Variants in ECT2 observed in about 807,000 individuals in gnomAD.
The protein encoded by ECT2 is epithelial cell transforming 2, also known as protein ECT2.
A neutral mutation model predicts 116.9 loss-of-function variants in ECT2; 61 were observed. That is an observed-to-expected ratio of 0.52 (90% confidence interval 0.42 to 0.65). The LOEUF (loss-of-function observed/expected upper bound fraction) is 0.65, where lower values mean the gene tolerates loss of function less well. Among genes scored for constraint, ECT2 ranks in the 30% least tolerant of loss-of-function variants. The pLI is 0.00. For missense variants in ECT2, 937 were observed against 1,078.7 expected (o/e 0.87, Z 1.84); for synonymous variants, 358 against 346.4 (o/e 1.03, Z -0.37).
At chr3:172,758,504 C>T (rs753357669) in intron 5 of ECT2, among the ~76,000 whole-genome samples, 94 of 149,156 alleles carry the variant, frequency 6.3e-4, no homozygotes, top group Non-Finnish European at 1.2e-3. Flanking sequence ...CACACACAAC[C>T]GTTGGGTAAA....
Position 172,773,929 on chromosome 3 carries a change from A to G in ECT2, c.1455A>G (p.Glu485=), listed in dbSNP as rs2108526774. ...IQLFQVPLEE[E]GQRGGPILAP... ...TATTTCAAGTACCATTGGAAGAGGA[A>G]GGACAACGTGGTGGACCTATCCTTG... The change falls in exon 14 of 25, where the codon GAA becomes GAG. Residue 485 remains glutamate, a synonymous_variant. Coordinates refer to ENST00000392692, the MANE Select transcript of ECT2 (RefSeq NM_001258315.2). 1.2e-6 allele frequency: 2 copies of G among 1,613,606 alleles called. No individual in the cohort carries two copies. Among genetic ancestry groups the G allele is most frequent in the African/African-American group, 2.7e-5 (2 of 75,024 alleles).
chr3:172,816,711 C>A lies in ECT2; in HGVS notation c.2529C>A (p.Phe843Leu). The change falls in exon 24 of 25, where the codon TTC becomes TTA. Residue 843 changes from phenylalanine to leucine, a missense_variant. Coordinates refer to ENST00000392692, the MANE Select transcript of ECT2 (RefSeq NM_001258315.2). ...TCTAGGTTACAAGAGCATTCTCTTT[C>A]TCCAAAACTCCAAAAAGAGCTCTTC... is the stretch of plus-strand genomic sequence containing the variant. ...TSKKVTRAFS[F>L]SKTPKRALRR... is the part of the protein sequence containing the mutation. 1 of 1,604,134 alleles carries A rather than the reference C, an allele frequency of 6.2e-7. No individual in the cohort carries two copies. Among genetic ancestry groups the A allele is most frequent in the Non-Finnish European group, 8.5e-7 (1 of 1,173,306 alleles).
At chr3:172,763,361 G>A (rs1277993331) in intron 11 of ECT2, among the ~76,000 whole-genome samples, 2 of 152,206 alleles carry the variant, frequency 1.3e-5, no homozygotes, top group African/African-American at 4.8e-5. Context: ...TGAAATAAAT[G>A]TTGACCCAAC....
chr3:172,822,680 A>C (rs1730739071), downstream of ECT2, among the ~76,000 whole-genome samples: 1 of 152,042 alleles, frequency 6.6e-6, no homozygotes, highest in Admixed American at 6.6e-5. Flanking sequence ...TAATATAAGA[A>C]AGAACTCATA....
rs115132866 is a variant in ECT2, at chr3:172,792,934, G to A, written c.1907+6360G>A. ...AGGGTTTCACTCTGTTGTCCAGGCT[G>A]GTCTCAAACTCCTGGAGTCAAGCAA... is the stretch of plus-strand genomic sequence containing the variant. On this transcript the variant is annotated intron_variant, in intron 18 of 24. Transcript: ENST00000392692. 4.0e-3 allele frequency among the ~76,000 whole-genome samples: 602 copies of A among 152,156 alleles called. 7 individuals carry two copies. The highest frequency in any genetic ancestry group is 0.014 in the African/African-American group (578 of 41,508).
chr3:172,759,929 T>G (rs1717887333), intron 6 of ECT2, among the ~76,000 whole-genome samples: 1 of 152,218 alleles, frequency 6.6e-6, no homozygotes. Context: ...TTAACTTACA[T>G]TTGTGTGAAA....
intron 22 of ECT2, among the ~76,000 whole-genome samples, chr3:172,808,375 C>CA (rs201401594): frequency 0.16 from 14,636 of 88,714 alleles, 876 homozygotes; most frequent in Non-Finnish European, 0.22. Context: ...CGTGCCTGGC[C>CA]AAAAAAAAAA....
intron 2 of ECT2, 100 bp from the exon 3 acceptor site, chr3:172,755,195 A>G (rs970797605): frequency 1.0e-5 from 8 of 765,504 alleles, no homozygotes; most frequent in East Asian, 6.0e-5. Context: ...GATTCCCTCA[A>G]AGATGTAATA....
At chr3:172,751,583 T>G (rs1576812098) in intron 1 of ECT2, among the ~76,000 whole-genome samples, 1 of 152,228 alleles carries the variant, frequency 6.6e-6, no homozygotes, top group Non-Finnish European at 1.5e-5. Context: ...AATAGTAATG[T>G]TATTGTTAAT....
intron 13 of ECT2, 111 bp downstream of exon 13, chr3:172,769,254 T>C (rs1720160506): frequency 1.8e-6 from 2 of 1,083,616 alleles, no homozygotes; most frequent in African/African-American, 1.6e-5. Flanking sequence ...TATTTGAACA[T>C]GGATGTTAAA....
At chr3:172,776,328 T>C (rs992171017) in intron 14 of ECT2, among the ~76,000 whole-genome samples, 5 of 152,042 alleles carry the variant, frequency 3.3e-5, no homozygotes, top group Non-Finnish European at 7.4e-5. Context: ...AAAGCTTATG[T>C]TCTTTTCTAC....
chr3:172,781,162 A>G (rs1187688911), intron 14 of ECT2, among the ~76,000 whole-genome samples: 3 of 152,314 alleles, frequency 2.0e-5, no homozygotes, highest in Non-Finnish European at 1.5e-5. Flanking sequence ...ATAGCTCATT[A>G]CATGGTAACA....
Position 172,757,092 on chromosome 3 carries a change from T to C in ECT2, c.413T>C (p.Phe138Ser), listed in dbSNP as rs1396966673. The C allele has an allele frequency of 3.1e-6, 5 of 1,610,386 alleles. No individual in the cohort carries two copies. Among genetic ancestry groups the C allele is most frequent in the Non-Finnish European group, 4.2e-6 (5 of 1,178,780 alleles). ...FVVTDFQDSV[F>S]NDLYKADCRV... is the part of the protein sequence containing the mutation. ...GTCACGGACTTTCAGGATTCTGTCT[T>C]TAATGACCTCTACAAGGCTGATTGT... Residue 138 changes from phenylalanine to serine, a missense_variant, in exon 5 of 25, where the codon TTT becomes TCT. Phe to Ser is a radical substitution (Grantham distance 155, BLOSUM62 -2). Coordinates refer to ENST00000392692, the MANE Select transcript of ECT2 (RefSeq NM_001258315.2).
At chr3:172,753,110 TAGAG>T (rs754666427) in intron 1 of ECT2, among the ~76,000 whole-genome samples, 208 of 152,292 alleles carry the variant, frequency 1.4e-3, no homozygotes, top group Non-Finnish European at 1.3e-3. Flanking sequence ...AAAATTTTTT[TAGAG>T]AGACAGGGTC....
At chr3:172,772,746 G>T in intron 13 of ECT2, among the ~76,000 whole-genome samples, 1 of 152,002 alleles carries the variant, frequency 6.6e-6, no homozygotes, top group East Asian at 1.9e-4. Flanking sequence ...ATAGTTTTAA[G>T]TTTTTTGTTT....
rs6808419 is a variant in ECT2 at position 172,783,732 on chromosome 3, T to G, written c.1618-67T>G. ...ATTGTGACTACTAATTATTTGACTT[T>G]AAGTTACATTGTCTCTAAGGGTGAC... On this transcript the variant is annotated intron_variant, in intron 15 of 24. Coordinates refer to ENST00000392692, the MANE Select transcript of ECT2 (RefSeq NM_001258315.2). 0.014 allele frequency: 14,873 copies of G among 1,048,092 alleles called. 1,455 individuals carry two copies. In the African/African-American group the frequency reaches 0.21, roughly 15 times the overall value. The allele number at this position is 1,048,092 out of a possible 1,614,324, so 64.9% of individuals were successfully genotyped here.
intron 13 of ECT2, among the ~76,000 whole-genome samples, chr3:172,773,088 C>A (rs1007742115): frequency 2.0e-5 from 3 of 152,124 alleles, no homozygotes; most frequent in African/African-American, 4.8e-5. Flanking sequence ...AGCCCTGGAA[C>A]TTTGATTGGC....
At chr3:172,751,439 C>A (rs1361654362) in intron 1 of ECT2, among the ~76,000 whole-genome samples, 1 of 152,186 alleles carries the variant, frequency 6.6e-6, no homozygotes, top group East Asian at 1.9e-4. Context: ...AGTTGCTTAA[C>A]CTCTCTGTTC....
chr3:172,771,686 C>T (rs1720664273), intron 13 of ECT2, among the ~76,000 whole-genome samples: 1 of 152,016 alleles, frequency 6.6e-6, no homozygotes, highest in Admixed American at 6.5e-5. Flanking sequence ...TAACTTGGTT[C>T]ACTTTGAAGG....
Sources: allele counts gnomAD v4.1 joint callset (sites outside exome capture counted in the v4.1 genomes callset), GRCh38; gene constraint gnomAD v4.1.1; transcripts MANE v1.5; gene names NCBI Gene and HGNC (gene_info 2026-07-23, HGNC 2026-07-21).